The following TIMP3 variants were observed in gnomAD, a reference collection of about 807,000 sequenced individuals.
TIMP3 encodes metalloproteinase inhibitor 3.
Under a neutral mutation model 30.0 loss-of-function variants are expected in TIMP3, and 11 were observed. The observed-to-expected ratio is 0.37, with a 90% CI of 0.23 to 0.61. TIMP3 has a LOEUF of 0.61. TIMP3 is among the 20% of genes least tolerant of loss of function. The pLI, the probability that TIMP3 is intolerant of heterozygous loss-of-function variation, is 0.70. For synonymous variants in TIMP3, 112 were observed against 111.3 expected, an observed-to-expected ratio of 1.01 and a Z score of -0.04; for missense variants, 181 against 276.8, an observed-to-expected ratio of 0.65 and a Z score of 2.45.
chr22:32,808,048 T>G (rs2046814963), intron 1 of TIMP3, among the ~76,000 whole-genome samples: 1 of 152,200 alleles, frequency 6.6e-6, no homozygotes, highest in Admixed American at 6.5e-5. Flanking sequence ...TGGGAGTATT[T>G]TCATAGGGAG....
intron 1 of TIMP3, among the ~76,000 whole-genome samples, chr22:32,814,358 A>AAAGAAAGGAAGAAAGG (rs2047032642): frequency 1.1e-5 from 1 of 92,390 alleles, no homozygotes; most frequent in Non-Finnish European, 2.3e-5. Flanking sequence ...AGAGAGAAAG[A>AAAGAAAGGAAGAAAGG]AAGAAAGAAA....
At chr22:32,814,300 GGAGA>G (rs141770370) in intron 1 of TIMP3, among the ~76,000 whole-genome samples, 17 of 81,874 alleles carry the variant, frequency 2.1e-4, no homozygotes, top group East Asian at 7.6e-4. Flanking sequence ...AAGGAAGGAA[GGAGA>G]GAGAGAGAGA....
chr22:32,857,392 T>A, intron 3 of TIMP3, 32 bp downstream of exon 3: 1 of 1,550,596 alleles, frequency 6.4e-7, no homozygotes, highest in Non-Finnish European at 8.9e-7. Context: ...TAGGCCAGGG[T>A]TTGGCCAAGG....
chr22:32,807,383 ATATT>A (rs549913599), intron 1 of TIMP3, among the ~76,000 whole-genome samples: 1 of 107,734 alleles, frequency 9.3e-6, no homozygotes, highest in Admixed American at 1.2e-4. Flanking sequence ...TATATAATAT[ATATT>A]ATATATAATA....
At chr22:32,828,666 G>A (rs1166779509) in intron 1 of TIMP3, among the ~76,000 whole-genome samples, 1 of 152,302 alleles carries the variant, frequency 6.6e-6, no homozygotes, top group East Asian at 1.9e-4. Flanking sequence ...AGTGGTCCAG[G>A]CAGTTAGAAC....
intron 2 of TIMP3, among the ~76,000 whole-genome samples, chr22:32,855,471 G>A (rs1452524804): frequency 6.6e-6 from 1 of 152,304 alleles, no homozygotes; most frequent in South Asian, 2.1e-4. Context: ...GACTCTGAAG[G>A]CAGAGTCCTC....
In TIMP3 at chr22:32,843,929, T is replaced by TTG. The variant is rs146581623; in HGVS notation, c.122-5510_122-5509dup. On this transcript the variant is annotated intron_variant, in intron 1 of 4. Transcript: ENST00000266085. ...CTTTGGAGAGACAGGAATGGGGGTG[T>TTG]TGTGTGTGTGTGTGGGGTGGCGGTG... 5.9e-5 allele frequency among the ~76,000 whole-genome samples: 9 copies of TTG among 151,518 alleles called. No homozygotes were observed. The East Asian group carries it at 1.6e-3, about 26-fold the overall frequency.
intron 1 of TIMP3, among the ~76,000 whole-genome samples, chr22:32,845,612 T>G (rs1170408927): frequency 6.6e-6 from 1 of 152,162 alleles, no homozygotes; most frequent in East Asian, 1.9e-4. Flanking sequence ...GACACCAACC[T>G]AGTTCATGCC....
intron 1 of TIMP3, among the ~76,000 whole-genome samples, chr22:32,838,573 G>A (rs897152993): frequency 1.3e-5 from 2 of 152,106 alleles, no homozygotes; most frequent in African/African-American, 4.8e-5. Context: ...AAGTTCATGG[G>A]GGTCTCCTGT....
rs143566165 is a variant in TIMP3, at chr22:32,807,773, A to C, written c.121+5651A>C. On this transcript the variant is annotated intron_variant, in intron 1 of 4. Coordinates refer to ENST00000266085, the MANE Select transcript of TIMP3 (RefSeq NM_000362.5). ...ATTATATATACTACTACATACTCTT[A>C]TATTATTATAATTATATAATATGCA... Among the ~76,000 whole-genome samples the C allele has an allele frequency of 3.6e-3, 540 of 151,762 alleles. 4 individuals carry two copies. The highest frequency in any genetic ancestry group is 5.2e-3 in the South Asian group (25 of 4,812).
chr22:32,815,861 A>G (rs2047076332), intron 1 of TIMP3, among the ~76,000 whole-genome samples: 1 of 152,134 alleles, frequency 6.6e-6, no homozygotes, highest in Non-Finnish European at 1.5e-5. Context: ...CCACTGCATG[A>G]TGGCAGAGCT....
At chr22:32,825,980 G>A (rs1330813244) in intron 1 of TIMP3, among the ~76,000 whole-genome samples, 1 of 152,180 alleles carries the variant, frequency 6.6e-6, no homozygotes, top group African/African-American at 2.4e-5. Flanking sequence ...GTAGCATAGG[G>A]AAAAGTCTTG....
At chr22:32,843,198 C>T (rs1255314824) in intron 1 of TIMP3, among the ~76,000 whole-genome samples, 1 of 152,182 alleles carries the variant, frequency 6.6e-6, no homozygotes, top group African/African-American at 2.4e-5. Context: ...TACCAGCTTG[C>T]CATGAGGACA....
At chr22:32,839,731 T>C (rs1438205626) in intron 1 of TIMP3, among the ~76,000 whole-genome samples, 1 of 152,148 alleles carries the variant, frequency 6.6e-6, no homozygotes, top group Non-Finnish European at 1.5e-5. Flanking sequence ...ATTTTGTCAT[T>C]TCATTGTGTA....
chr22:32,831,443 A>C (rs1601483112), intron 1 of TIMP3, among the ~76,000 whole-genome samples: 2 of 152,248 alleles, frequency 1.3e-5, no homozygotes, highest in Admixed American at 1.3e-4. Context: ...CCAGATGATC[A>C]GGGCAGCGGG....
At chr22:32,822,816 T>C (rs543838596) in intron 1 of TIMP3, among the ~76,000 whole-genome samples, 4 of 152,094 alleles carry the variant, frequency 2.6e-5, no homozygotes, top group Middle Eastern at 6.8e-3. Context: ...GAAAGGTGAA[T>C]GAAAGAGTCA....
In TIMP3 at chr22:32,860,937, A is replaced by G. The variant is rs2048519401; in HGVS notation, c.*1560A>G. 6.6e-6 allele frequency: 1 copy of G among 150,472 alleles called. No homozygotes were observed. Among genetic ancestry groups the G allele is most frequent in the South Asian group, 2.1e-4 (1 of 4,788 alleles). 9.3% of individuals were successfully genotyped at this position (150,472 alleles called of 1,614,324 possible). A position where few individuals can be genotyped will look rare whatever the true frequency, so the allele number is the denominator to read the frequency against. On this transcript the variant is annotated 3_prime_UTR_variant, in exon 5 of 5. Coordinates refer to ENST00000266085, the MANE Select transcript of TIMP3 (RefSeq NM_000362.5). ...TGTTTTTTTTTTTTTTTTTGAAATA[A>G]AACTATAATATAAATTCTCCTATTA...
intron 1 of TIMP3, among the ~76,000 whole-genome samples, chr22:32,809,329 A>G (rs182139268): frequency 1.3e-5 from 2 of 152,160 alleles, no homozygotes; most frequent in South Asian, 2.1e-4. Flanking sequence ...ACCTCTCCAC[A>G]TGAGTCTTTG....
At chr22:32,822,252 C>T (rs1447925455) in intron 1 of TIMP3, among the ~76,000 whole-genome samples, 1 of 152,064 alleles carries the variant, frequency 6.6e-6, no homozygotes, top group Non-Finnish European at 1.5e-5. Context: ...AAGTCTTCCT[C>T]GCTGTCTCTG....
Sources: allele counts gnomAD v4.1 joint callset (sites outside exome capture counted in the v4.1 genomes callset), GRCh38; gene constraint gnomAD v4.1.1; transcripts MANE v1.5; gene names NCBI Gene and HGNC (gene_info 2026-07-23, HGNC 2026-07-21).